The following C6orf132 variants were observed in gnomAD, a reference collection of about 807,000 sequenced individuals.
C6orf132 encodes chromosome 6 open reading frame 132, also known as uncharacterized protein C6orf132.
C6orf132 carries 43 observed loss-of-function variants against 65.3 expected under a neutral mutation model. The ratio of observed to expected loss-of-function variants is 0.66; its 90% confidence interval spans 0.52 to 0.85. The LOEUF is 0.85. Among genes scored for constraint, C6orf132 ranks in the 40% least tolerant of loss-of-function variants. The pLI is 0.00. For missense variants in C6orf132, 1,488 were observed against 1,548.8 expected (o/e 0.96, Z 0.66); for synonymous variants, 631 against 654.1 (o/e 0.96, Z 0.54).
Position 42,104,318 on chromosome 6 carries a change from A to T in C6orf132, c.3449+145T>A. On this transcript the variant is annotated intron_variant, in intron 4 of 4. Coordinates refer to ENST00000341865, the MANE Select transcript of C6orf132 (RefSeq NM_001164446.3). The surrounding 1 kb of genome is among the most constrained non-coding windows in gnomAD (Gnocchi z 4.1). ...GGCGCCAACAGCGCCCTCTCCCGGT[A>T]AGTGGGCCTCCCTCCCGCGTTCTAC... The T allele has an allele frequency of 8.3e-7, 1 of 1,201,022 alleles. No homozygotes were observed. Among genetic ancestry groups the T allele is most frequent in the Non-Finnish European group, 1.0e-6 (1 of 962,680 alleles). The allele number at this position is 1,201,022 out of a possible 1,614,324, so 74.4% of individuals were successfully genotyped here. A position where few individuals can be genotyped will look rare whatever the true frequency, so the allele number is the denominator to read the frequency against.
At chr6:42,137,570 G>A (rs1582287039) in intron 1 of C6orf132, among the ~76,000 whole-genome samples, 1 of 152,094 alleles carries the variant, frequency 6.6e-6, no homozygotes, top group African/African-American at 2.4e-5. Flanking sequence ...GAGGGCACGA[G>A]GGTCCTCCTG....
intron 2 of C6orf132, among the ~76,000 whole-genome samples, chr6:42,128,135 C>T (rs1261812969): frequency 1.3e-5 from 2 of 151,220 alleles, no homozygotes; most frequent in Non-Finnish European, 2.9e-5. Flanking sequence ...ACCGTGTTAG[C>T]CAGGATGGTC....
At chr6:42,140,248 G>A (rs1361735211) in intron 1 of C6orf132, among the ~76,000 whole-genome samples, 1 of 152,270 alleles carries the variant, frequency 6.6e-6, no homozygotes, top group Non-Finnish European at 1.5e-5. Flanking sequence ...GGCAGCAGCT[G>A]GCTGGAGATG....
chr6:42,112,964 T>C (rs1040117241), intron 2 of C6orf132, among the ~76,000 whole-genome samples: 3 of 151,824 alleles, frequency 2.0e-5, no homozygotes, highest in African/African-American at 7.3e-5. Flanking sequence ...GGAATGGCCT[T>C]GAGCCATCAA....
intron 1 of C6orf132, 63 bp downstream of exon 1, chr6:42,142,237 C>T (rs1321673940): frequency 6.6e-6 from 10 of 1,511,554 alleles, no homozygotes; most frequent in African/African-American, 1.4e-5. Flanking sequence ...GAGACAGCAC[C>T]GCCGGCCCTG....
At position 42,107,431 on chromosome 6, in the gene C6orf132, A is replaced by G; in HGVS notation, c.481T>C (p.Ser161Pro). Residue 161 changes from serine to proline, a missense_variant, in exon 4 of 5, where the codon TCG becomes CCG. Ser to Pro is a moderately conservative substitution (Grantham distance 74). Transcript: ENST00000341865. ...PQDISEPPGGSPLPSPPSTAP... is the reference protein window; with the variant it reads ...PQDISEPPGGPPLPSPPSTAP... ...GTGGAAGGTGGAGATGGCAGTGGCGACCCCCCTGGAGGTTCTGAAATGTCC... is the reference window on the plus strand; with the variant it reads ...GTGGAAGGTGGAGATGGCAGTGGCGGCCCCCCTGGAGGTTCTGAAATGTCC... 7.9e-7 allele frequency: 1 copy of G among 1,268,580 alleles called. No individual in the cohort carries two copies. Among genetic ancestry groups the G allele is most frequent in the Non-Finnish European group, 1.0e-6 (1 of 988,090 alleles). 78.6% of individuals were successfully genotyped at this position (1,268,580 alleles called of 1,614,324 possible).
chr6:42,110,414 T>C (rs1766476464), intron 2 of C6orf132, 123 bp from the exon 3 acceptor site: 2 of 669,408 alleles, frequency 3.0e-6, no homozygotes, highest in African/African-American at 3.7e-5. Context: ...TTGCATAACC[T>C]TGTGCATATA....
At chr6:42,108,059 G>A (rs1487855129) in intron 3 of C6orf132, among the ~76,000 whole-genome samples, 2 of 152,198 alleles carry the variant, frequency 1.3e-5, no homozygotes, top group Non-Finnish European at 1.5e-5. Flanking sequence ...CAGGAGACAA[G>A]AGTCGCCTAA....
intron 1 of C6orf132, among the ~76,000 whole-genome samples, chr6:42,130,233 T>A (rs1427892745): frequency 6.6e-6 from 1 of 152,232 alleles, no homozygotes; most frequent in Non-Finnish European, 1.5e-5. Context: ...CCCTGCCCCA[T>A]GCACTCTGGG....
intron 2 of C6orf132, among the ~76,000 whole-genome samples, chr6:42,111,278 A>T (rs930741242): frequency 1.1e-4 from 13 of 119,968 alleles, no homozygotes; most frequent in African/African-American, 2.8e-4. Context: ...TTCCTGGCTA[A>T]TTTTTTTTTT....
Position 42,105,565 on chromosome 6 carries a change from C to T in C6orf132, c.2347G>A (p.Ala783Thr), listed in dbSNP as rs1477410930. 9.1e-6 allele frequency: 14 copies of T among 1,536,326 alleles called. No individual in the cohort carries two copies. Among genetic ancestry groups the T allele is most frequent in the Non-Finnish European group, 1.1e-5 (13 of 1,146,648 alleles). ...CHQSSLSREVAVVMPTLARGG... is the reference protein window; with the variant it reads ...CHQSSLSREVTVVMPTLARGG... ...CTGGCCAGGGTGGGCATCACCACAG[C>T]AACCTCACGGCTGAGGCTGCTCTGG... is the stretch of plus-strand genomic sequence containing the variant. Residue 783 changes from alanine (A) to threonine (T), a missense_variant, in exon 4 of 5, where the codon GCT becomes ACT. Transcript: ENST00000341865.
chr6:42,108,911 G>A (rs1766454873), intron 3 of C6orf132, among the ~76,000 whole-genome samples: 1 of 152,122 alleles, frequency 6.6e-6, no homozygotes, highest in Admixed American at 6.6e-5. Flanking sequence ...AGTGGGGAAG[G>A]GGAAAACTAA....
At chr6:42,140,804 T>C (rs1396920723) in intron 1 of C6orf132, among the ~76,000 whole-genome samples, 1 of 152,242 alleles carries the variant, frequency 6.6e-6, no homozygotes, top group African/African-American at 2.4e-5. Context: ...CACAAAGATT[T>C]TAGAATGGCA....
intron 2 of C6orf132, among the ~76,000 whole-genome samples, chr6:42,128,191 C>T (rs1444070684): frequency 6.6e-6 from 1 of 151,894 alleles, no homozygotes; most frequent in Non-Finnish European, 1.5e-5. Flanking sequence ...TCCCAAAATG[C>T]TGGGATTACA....
rs150599390 is a variant in C6orf132, at chr6:42,104,971, A to ACTCCTC, written c.2935_2940dup (p.Glu979_Glu980dup). Reference sequence around the variant, plus strand: ...GGCGGTGGGATGACCTCGAAGTTGAACTCCTCCTCCTCCTCCTCCCTCTTG... The same window carrying ACTCCTC: ...GGCGGTGGGATGACCTCGAAGTTGAACTCCTCCTCCTCCTCCTCCTCCTCCCTCTTG... On this transcript the variant is annotated inframe_insertion, in exon 4 of 5. Coordinates refer to ENST00000341865, the MANE Select transcript of C6orf132 (RefSeq NM_001164446.3). This position sits in a 1 kb window ranked among gnomAD's most constrained non-coding sequence, Gnocchi z 4.1. 4.7e-6 allele frequency: 7 copies of ACTCCTC among 1,489,246 alleles called. No individual in the cohort carries two copies. Among genetic ancestry groups the ACTCCTC allele is most frequent in the Admixed American group, 2.3e-5 (1 of 43,658 alleles). 92.3% of individuals were successfully genotyped at this position (1,489,246 alleles called of 1,614,324 possible).
chr6:42,117,872 C>G (rs1334349799), intron 2 of C6orf132, among the ~76,000 whole-genome samples: 2 of 123,460 alleles, frequency 1.6e-5, no homozygotes, highest in Non-Finnish European at 3.2e-5. Context: ...TGCAGTGAGC[C>G]AAGATTGTGC....
intron 1 of C6orf132, among the ~76,000 whole-genome samples, chr6:42,132,869 G>A (rs143979594): frequency 0.089 from 10,163 of 114,304 alleles, 422 homozygotes; most frequent in Middle Eastern, 0.14. Flanking sequence ...AAAAAAAAAA[G>A]AAAAGAAAAG....
At position 42,106,958 on chromosome 6, in the gene C6orf132, C is replaced by G; in HGVS notation, c.954G>C (p.Gln318His). Residue 318 changes from glutamine (Q) to histidine (H), a missense_variant, in exon 4 of 5, where the codon CAG (glutamine) becomes CAC (histidine). Transcript: ENST00000341865. ...CCTTTCGGGGAGCCTCTTGTGCTTCCTGAACTGGGATGGACGAAGTCCTGA... is the reference window on the plus strand; with the variant it reads ...CCTTTCGGGGAGCCTCTTGTGCTTCGTGAACTGGGATGGACGAAGTCCTGA... Reference protein sequence around the residue: ...TPVRTSSIPVQEAQEAPRKEE... With the variant: ...TPVRTSSIPVHEAQEAPRKEE... 6.5e-7 allele frequency: 1 copy of G among 1,536,198 alleles called. No homozygotes were observed.
At position 42,113,816 on chromosome 6, in the gene C6orf132, AAAAAG is replaced by A. The variant is rs546798292; in HGVS notation, c.253-3530_253-3526del. ...GGGCGATAGAGCAAGACTGTCTCAA[AAAAAG>A]AAAAGAAAAAAAAGAAAGAAAAAAA... is the stretch of plus-strand genomic sequence containing the variant. On this transcript the variant is annotated intron_variant, in intron 2 of 4. Transcript: ENST00000341865. Among the ~76,000 whole-genome samples the A allele has an allele frequency of 3.3e-3, 502 of 151,882 alleles. 2 individuals are homozygous for A. Among genetic ancestry groups the A allele is most frequent in the Non-Finnish European group, 6.1e-3 (417 of 67,928 alleles).
Sources: allele counts gnomAD v4.1 joint callset (sites outside exome capture counted in the v4.1 genomes callset), GRCh38; gene constraint gnomAD v4.1.1; non-coding constraint Gnocchi (gnomAD v3.1); transcripts MANE v1.5; gene names NCBI Gene and HGNC (gene_info 2026-07-23, HGNC 2026-07-21).